The following COL28A1 variants were observed in gnomAD, a reference collection of about 807,000 sequenced individuals.
COL28A1 encodes collagen type XXVIII alpha 1 chain.
Under a neutral mutation model 150.2 loss-of-function variants are expected in COL28A1, and 161 were observed. The ratio of observed to expected loss-of-function variants is 1.07; its 90% CI spans 0.94 to 1.22. The LOEUF (loss-of-function observed/expected upper bound fraction) is 1.22, where lower values mean the gene tolerates loss of function less well. Ranked by LOEUF, COL28A1 falls within the 50% of genes most tolerant of loss-of-function variation. The pLI, the probability that COL28A1 is intolerant of heterozygous loss-of-function variation, is 0.00. For synonymous variants in COL28A1, 552 were observed against 469.7 expected, an observed-to-expected ratio of 1.18 and a Z score of -2.26; for missense variants, 1,617 against 1,388.3, an observed-to-expected ratio of 1.16 and a Z score of -2.62.
At chr7:7,435,424 G>A (rs904293863) in intron 23 of COL28A1, among the ~76,000 whole-genome samples, 5 of 152,270 alleles carry the variant, frequency 3.3e-5, no homozygotes, top group South Asian at 4.1e-4. Context: ...GGAAGTAGAC[G>A]AACAATTCGT....
intron 15 of COL28A1, 74 bp from the exon 16 acceptor site, chr7:7,456,186 T>C (rs948633649): frequency 4.6e-6 from 7 of 1,531,748 alleles, no homozygotes; most frequent in Middle Eastern, 1.8e-4. Flanking sequence ...TAACCTGGAA[T>C]TGGGCTGTGT....
chr7:7,523,889 C>T (rs1002205902), intron 4 of COL28A1, among the ~76,000 whole-genome samples: 1 of 152,086 alleles, frequency 6.6e-6, no homozygotes, highest in Non-Finnish European at 1.5e-5. Context: ...GGAACACCCC[C>T]CAAAATAGAG....
chr7:7,531,021 A>G (rs1782319257), intron 3 of COL28A1, among the ~76,000 whole-genome samples: 2 of 152,202 alleles, frequency 1.3e-5, no homozygotes, highest in African/African-American at 2.4e-5. Flanking sequence ...CAACCTGAAT[A>G]TAAGTCAGCA....
Position 7,520,080 on chromosome 7 carries a change from T to A in COL28A1, c.795A>T (p.Arg265=). Residue 265 remains arginine, a synonymous_variant, in exon 6 of 35, where the codon CGA becomes CGT. Transcript: ENST00000399429. ...THGNPGIKGE[R]GPKGNPGNAQ... is the part of the protein sequence containing the mutation. ...CATTTACCGGGTTTCCTTTTGGTCC[T>A]CGCTCACCTTTGATACCTGGATTTC... 1 of 1,441,508 alleles carries A rather than the reference T, an allele frequency of 6.9e-7. No homozygotes were observed. The highest frequency in any genetic ancestry group is 9.8e-7 in the Non-Finnish European group (1 of 1,023,558). 89.3% of individuals were successfully genotyped at this position (1,441,508 alleles called of 1,614,324 possible). A position where few individuals can be genotyped will look rare whatever the true frequency, so the allele number is the denominator to read the frequency against.
At chr7:7,380,501 T>C (rs1484644208) in intron 30 of COL28A1, among the ~76,000 whole-genome samples, 159 bp downstream of exon 30, 1 of 152,172 alleles carries the variant, frequency 6.6e-6, no homozygotes, top group Admixed American at 6.5e-5. Context: ...TTCAATTACC[T>C]CATGCATCTA....
chr7:7,419,943 C>G lies in COL28A1; in HGVS notation c.2009G>C (p.Gly670Ala). 1 of 1,589,384 alleles carries G rather than the reference C, an allele frequency of 6.3e-7. No homozygotes were observed. Among genetic ancestry groups the G allele is most frequent in the Non-Finnish European group, 8.5e-7 (1 of 1,170,378 alleles). Reference protein sequence around the residue: ...VGDTGAKGEPGVRGPPGPSGP... With the variant: ...VGDTGAKGEPAVRGPPGPSGP... Reference sequence around the variant, plus strand: ...AGAAGGACCTGGAGGGCCTCTGACCCCAGGCTCTCCCTGAAAAGACACAAC... The same window carrying G: ...AGAAGGACCTGGAGGGCCTCTGACCGCAGGCTCTCCCTGAAAAGACACAAC... Residue 670 changes from glycine (G) to alanine (A), a missense_variant, in exon 26 of 35, where the codon GGG (glycine) becomes GCG (alanine). Coordinates refer to ENST00000399429, the MANE Select transcript of COL28A1 (RefSeq NM_001037763.3).
chr7:7,491,100 G>A (rs969442299), intron 11 of COL28A1, among the ~76,000 whole-genome samples: 1 of 152,110 alleles, frequency 6.6e-6, no homozygotes, highest in East Asian at 1.9e-4. Flanking sequence ...GACATATTTT[G>A]TTTCCTCCCC....
chr7:7,534,155 T>C (rs891312000), intron 1 of COL28A1, among the ~76,000 whole-genome samples: 1 of 152,164 alleles, frequency 6.6e-6, no homozygotes, highest in South Asian at 2.1e-4. Context: ...CACAGTCTGC[T>C]CCTCACATAG....
intron 29 of COL28A1, 21 bp from the exon 30 acceptor site, chr7:7,380,716 A>G: frequency 1.9e-6 from 3 of 1,613,552 alleles, no homozygotes; most frequent in South Asian, 1.1e-5. Flanking sequence ...GAAGAAGAGT[A>G]AAAGTCAATA....
At chr7:7,428,106 A>G (rs536679873) in intron 25 of COL28A1, among the ~76,000 whole-genome samples, 1 of 152,338 alleles carries the variant, frequency 6.6e-6, no homozygotes, top group Non-Finnish European at 1.5e-5. Context: ...AATATTCTGG[A>G]AATATTTAGG....
At position 7,373,370 on chromosome 7, in the gene COL28A1, C is replaced by T. The variant is rs1781339800; in HGVS notation, c.2536G>A (p.Val846Met). The T allele has an allele frequency of 6.2e-7, 1 of 1,614,198 alleles. No homozygotes were observed. The change falls in exon 32 of 35, where the codon GTG becomes ATG. Residue 846 changes from valine (V) to methionine (M), a missense_variant. By Grantham distance (21) the Val-to-Met change is conservative (BLOSUM62 1). Transcript: ENST00000399429. The surrounding 1 kb of genome is among the most constrained non-coding windows in gnomAD (Gnocchi z 4.1). ...RIGIINYSHK[V>M]EKVANLKQFS... is the part of the protein sequence containing the mutation. Reference sequence around the variant, plus strand: ...TGCTTCAAATTAGCCACCTTCTCCACCTTATGGCTATAGTTGATTATGCCT... The same window carrying T: ...TGCTTCAAATTAGCCACCTTCTCCATCTTATGGCTATAGTTGATTATGCCT...
intron 20 of COL28A1, among the ~76,000 whole-genome samples, chr7:7,442,355 T>G (rs1414499246): frequency 6.6e-6 from 1 of 152,192 alleles, no homozygotes; most frequent in East Asian, 1.9e-4. Flanking sequence ...TTAGAGACAT[T>G]GTTCATTCTC....
intron 25 of COL28A1, among the ~76,000 whole-genome samples, chr7:7,422,592 G>A (rs999672647): frequency 3.3e-5 from 5 of 151,796 alleles, no homozygotes; most frequent in South Asian, 2.1e-4. Context: ...CCACGCCATT[G>A]CACGCCAGCC....
At chr7:7,436,182 G>A (rs1386428889) in intron 23 of COL28A1, among the ~76,000 whole-genome samples, 1 of 151,948 alleles carries the variant, frequency 6.6e-6, no homozygotes, top group East Asian at 1.9e-4. Flanking sequence ...TGTCTAATCA[G>A]CAAAAATTTA....
At chr7:7,416,721 G>A (rs1005598420) in intron 27 of COL28A1, among the ~76,000 whole-genome samples, 2 of 152,186 alleles carry the variant, frequency 1.3e-5, no homozygotes, top group Admixed American at 6.5e-5. Context: ...TAGAAGACCT[G>A]CTGTAGAAGC....
At chr7:7,408,314 C>T (rs1783601090) in intron 27 of COL28A1, among the ~76,000 whole-genome samples, 2 of 152,036 alleles carry the variant, frequency 1.3e-5, no homozygotes, top group South Asian at 4.1e-4. Flanking sequence ...ATTATCTTTC[C>T]TTTGTTAGAG....
the COL28A1 span, among the ~76,000 whole-genome samples, chr7:7,346,827 G>A: frequency 6.6e-6 from 1 of 152,028 alleles, no homozygotes; most frequent in African/African-American, 2.4e-5. Context: ...TCTGGGAAAA[G>A]GAAGATAGCA....
intron 3 of COL28A1, among the ~76,000 whole-genome samples, chr7:7,527,322 G>A (rs552908182): frequency 3.3e-5 from 5 of 152,328 alleles, no homozygotes; most frequent in East Asian, 3.9e-4. Context: ...CGGGGGAGCC[G>A]CTAACAAGAT....
At chr7:7,379,709 T>A (rs1483253279) in intron 30 of COL28A1, among the ~76,000 whole-genome samples, 2 of 152,158 alleles carry the variant, frequency 1.3e-5, no homozygotes, top group African/African-American at 4.8e-5. Flanking sequence ...TCTCCCCACG[T>A]TGGGACAGTA....
Sources: gnomAD v4.1 joint callset for allele counts (sites outside exome capture counted in the v4.1 genomes callset) on GRCh38, gnomAD v4.1.1 for gene constraint, Gnocchi (gnomAD v3.1) non-coding constraint, MANE v1.5 for transcripts, NCBI Gene and HGNC (gene_info 2026-07-23, HGNC 2026-07-21) for gene names.